Variants in FASTKD1 observed in about 807,000 individuals in gnomAD.
FASTKD1 encodes FAST kinase domains 1, also known as FAST kinase domain-containing protein 1, mitochondrial.
FASTKD1 carries 94 observed loss-of-function variants against 90.9 expected under a neutral mutation model. The ratio of observed to expected loss-of-function variants is 1.03; its 90% CI spans 0.88 to 1.23. FASTKD1 has a LOEUF of 1.23. Ranked by LOEUF, FASTKD1 falls within the 50% of genes most tolerant of loss-of-function variation. The pLI, the probability that FASTKD1 is intolerant of heterozygous loss-of-function variation, is 0.00. For missense variants in FASTKD1, 945 were observed against 993.5 expected (o/e 0.95, Z 0.66); for synonymous variants, 319 against 345.8 (o/e 0.92, Z 0.86).
At chr2:169,537,364 G>T in intron 11 of FASTKD1, 24 bp from the exon 12 acceptor site, 2 of 1,393,732 alleles carry the variant, frequency 1.4e-6, no homozygotes, top group Non-Finnish European at 2.0e-6. Flanking sequence ...TAAATAATTA[G>T]TCTACTTAAT....
intron 4 of FASTKD1, among the ~76,000 whole-genome samples, chr2:169,562,368 G>A (rs1402502035): frequency 6.6e-6 from 1 of 151,868 alleles, no homozygotes; most frequent in Non-Finnish European, 1.5e-5. Flanking sequence ...GAGTAGCTGG[G>A]ATTACAGGCG....
rs1175456306 is a variant in FASTKD1 at position 169,561,970 on chromosome 2, T to A, written c.573-1185A>T. Among the ~76,000 whole-genome samples the A allele has an allele frequency of 2.2e-3, 280 of 125,272 alleles. 11 individuals carry two copies. The highest frequency in any genetic ancestry group is 3.2e-3 in the Non-Finnish European group (192 of 60,724). The allele number at this position is 125,272 out of a possible 152,430, so 82.2% of individuals were successfully genotyped here. A position where few individuals can be genotyped will look rare whatever the true frequency, so the allele number is the denominator to read the frequency against. Reference sequence around the variant, plus strand: ...AATTAATTATTAATTTATTGTAAATTAATTATTCATTAATTTATTGTAAAT... The same window carrying A: ...AATTAATTATTAATTTATTGTAAATAAATTATTCATTAATTTATTGTAAAT... On this transcript the variant is annotated intron_variant, in intron 4 of 14. Transcript: ENST00000453153.
chr2:169,529,889 G>A lies in FASTKD1; in HGVS notation c.2480C>T (p.Thr827Ile). The A allele has an allele frequency of 6.2e-7, 1 of 1,613,582 alleles. No homozygotes were observed. The highest frequency in any genetic ancestry group is 8.5e-7 in the Non-Finnish European group (1 of 1,179,694). Residue 827 changes from threonine to isoleucine, a missense_variant, in exon 15 of 15, where the codon ACA (threonine) becomes ATA (isoleucine). Transcript: ENST00000453153. ...CAGGTAGTCCATCCGAGCATCCTTT[G>A]TTGACAGTGCCATAGAGTTCCATTC... ...QFEWNSMALS[T>I]KDARMDYLRE... is the part of the protein sequence containing the mutation.
chr2:169,536,321 T>C (rs1170104528), intron 12 of FASTKD1, among the ~76,000 whole-genome samples: 1 of 152,126 alleles, frequency 6.6e-6, no homozygotes, highest in Non-Finnish European at 1.5e-5. Flanking sequence ...GTCTACGACA[T>C]GATTAGACAA....
chr2:169,569,106 T>C lies in FASTKD1; in HGVS notation c.446+78A>G, dbSNP rs1444857057. Reference sequence around the variant, plus strand: ...AAGCTTGACAGGCATCAGTTCCCTGTTCTTTCCCTTCAAGATTTCACTCTG... The same window carrying C: ...AAGCTTGACAGGCATCAGTTCCCTGCTCTTTCCCTTCAAGATTTCACTCTG... On this transcript the variant is annotated intron_variant, in intron 3 of 14. Transcript: ENST00000453153. 2.5e-6 allele frequency: 3 copies of C among 1,206,422 alleles called. No homozygotes were observed. In the African/African-American group the frequency reaches 4.5e-5, roughly 18 times the overall value. The allele number at this position is 1,206,422 out of a possible 1,614,324, so 74.7% of individuals were successfully genotyped here. A position where few individuals can be genotyped will look rare whatever the true frequency, so the allele number is the denominator to read the frequency against.
At position 169,567,458 on chromosome 2, in the gene FASTKD1, T is replaced by C. The variant is rs368136416; in HGVS notation, c.446+1726A>G. Reference sequence around the variant, plus strand: ...TGCTTACCCTCAATATACTTATAGGTAGAGAGTATAAAAGAAGACAGATGG... The same window carrying C: ...TGCTTACCCTCAATATACTTATAGGCAGAGAGTATAAAAGAAGACAGATGG... On this transcript the variant is annotated intron_variant, in intron 3 of 14. Coordinates refer to ENST00000453153, the MANE Select transcript of FASTKD1 (RefSeq NM_024622.6). Among the ~76,000 whole-genome samples the C allele has an allele frequency of 1.3e-4, 20 of 152,180 alleles. No individual in the cohort carries two copies. The South Asian group carries it at 4.2e-3, about 32-fold the overall frequency.
intron 7 of FASTKD1, 86 bp from the exon 8 acceptor site, chr2:169,546,790 A>G: frequency 7.8e-7 from 1 of 1,289,858 alleles, no homozygotes. Flanking sequence ...GAGTACAATT[A>G]ATAGGTAAGA....
intron 3 of FASTKD1, among the ~76,000 whole-genome samples, chr2:169,565,134 A>T (rs1683901603): frequency 1.4e-5 from 2 of 144,580 alleles, no homozygotes; most frequent in South Asian, 4.7e-4. Flanking sequence ...TTGTATTTTT[A>T]GTAGAGACAG....
At position 169,537,336 on chromosome 2, in the gene FASTKD1, A is replaced by G. The variant is rs113570944; in HGVS notation, c.2079T>C (p.Ile693=). The change falls in exon 12 of 15, where the codon ATT becomes ATC. Residue 693 remains isoleucine (I), a synonymous_variant. Transcript: ENST00000453153. Reference sequence around the variant, plus strand: ...GCTGTTGTGTTCCATCCATGCCACCAATACCTTTATAAAAAAATAAATAAT... The same window carrying G: ...GCTGTTGTGTTCCATCCATGCCACCGATACCTTTATAAAAAAATAAATAAT... ...DRFCQQYNKG[I]GGMDGTQQQI... The G allele has an allele frequency of 5.1e-6, 8 of 1,571,146 alleles. No homozygotes were observed. The highest frequency in any genetic ancestry group is 2.7e-5 in the African/African-American group (2 of 73,648).
intron 3 of FASTKD1, among the ~76,000 whole-genome samples, chr2:169,568,410 A>C (rs1684082107): frequency 6.6e-6 from 1 of 152,122 alleles, no homozygotes; most frequent in South Asian, 2.1e-4. Flanking sequence ...ACTCTATCTT[A>C]TTTATATTTC....
rs763885772 is a variant in FASTKD1, at chr2:169,571,735, G to T, written c.295C>A (p.Leu99Ile). ...TTTGTAGCTAAATTATGAAGAGTAAGAAATTGAGGATGGTCTCTGACATAC... is the reference window on the plus strand; with the variant it reads ...TTTGTAGCTAAATTATGAAGAGTAATAAATTGAGGATGGTCTCTGACATAC... ...AEYVRDHPQF[L>I]TLHNLATNKF... The change falls in exon 2 of 15, where the codon CTT (leucine) becomes ATT (isoleucine). Residue 99 changes from leucine (L) to isoleucine (I), a missense_variant. By Grantham distance (5) the Leu-to-Ile change is conservative. Coordinates refer to ENST00000453153, the MANE Select transcript of FASTKD1 (RefSeq NM_024622.6). 2 of 1,613,574 alleles carry T rather than the reference G, an allele frequency of 1.2e-6. No individual in the cohort carries two copies. The highest frequency in any genetic ancestry group is 2.2e-5 in the South Asian group (2 of 91,046).
intron 7 of FASTKD1, among the ~76,000 whole-genome samples, chr2:169,553,446 G>A (rs1019633640): frequency 6.6e-6 from 1 of 151,934 alleles, no homozygotes; most frequent in East Asian, 1.9e-4. Context: ...ATCTTAAGAA[G>A]AAAATTATTT....
At chr2:169,542,927 G>A (rs1364608529) in intron 9 of FASTKD1, among the ~76,000 whole-genome samples, 2 of 152,030 alleles carry the variant, frequency 1.3e-5, no homozygotes, top group Non-Finnish European at 2.9e-5. Context: ...CTAAATATAA[G>A]GTATACAGCA....
At position 169,529,382 on chromosome 2, in the gene FASTKD1, T is replaced by A. The variant is rs1189151845; in HGVS notation, c.*443A>T. Among the ~76,000 whole-genome samples, 1 of 152,174 alleles carries A rather than the reference T, an allele frequency of 6.6e-6. No homozygotes were observed. The highest frequency in any genetic ancestry group is 1.9e-4 in the East Asian group (1 of 5,204). On this transcript the variant is annotated 3_prime_UTR_variant, in exon 15 of 15. Coordinates refer to ENST00000453153, the MANE Select transcript of FASTKD1 (RefSeq NM_024622.6). ...CATACATCCAAAAAATCTGACTACT[T>A]CTTATTACCTCCACTGCTACCACTC...
chr2:169,531,743 G>T, intron 12 of FASTKD1: 1 of 354,854 alleles, frequency 2.8e-6, no homozygotes. Context: ...TACATTTAGC[G>T]CTGGGCTAGG....
At chr2:169,534,616 C>T (rs1449989550) in intron 12 of FASTKD1, among the ~76,000 whole-genome samples, 3 of 151,910 alleles carry the variant, frequency 2.0e-5, no homozygotes, top group Non-Finnish European at 4.4e-5. Flanking sequence ...TGCGCCACCA[C>T]GCCCAGCTAA....
intron 7 of FASTKD1, among the ~76,000 whole-genome samples, chr2:169,552,016 C>A (rs1390743389): frequency 6.6e-6 from 1 of 152,128 alleles, no homozygotes; most frequent in East Asian, 1.9e-4. Context: ...TGTTTCAGGA[C>A]CTAGGACCTA....
Position 169,557,287 on chromosome 2 carries a change from T to C in FASTKD1, c.982A>G (p.Thr328Ala), listed in dbSNP as rs761717347. The change falls in exon 6 of 15, where the codon ACT becomes GCT. Residue 328 changes from threonine to alanine, a missense_variant. By Grantham distance (58) the Thr-to-Ala change is moderately conservative. Transcript: ENST00000453153. ...GPEEKKQLKS[T>A]MLLMSEDLTG... ...AGGTCCTCTGACATCAATAACATAG[T>C]TGATTTAAGTCTAGAAGCAAAAAAA... 6.9e-6 allele frequency: 11 copies of C among 1,587,398 alleles called. No individual in the cohort carries two copies. The highest frequency in any genetic ancestry group is 2.3e-5 in the East Asian group (1 of 44,376).
Position 169,531,426 on chromosome 2 carries a change from C to T in FASTKD1, c.2253G>A (p.Leu751=). The change falls in exon 13 of 15, where the codon TTG becomes TTA. Residue 751 remains leucine (L), a synonymous_variant. Coordinates refer to ENST00000453153, the MANE Select transcript of FASTKD1 (RefSeq NM_024622.6). ...PLPYGSHNIA[L]GQLPEMPWES... is the part of the protein sequence containing the mutation. ...CCCAGGGCATTTCTGGTAGTTGTCC[C>T]AATGCTATATTATGGCTTCCATACG... 1 of 1,612,530 alleles carries T rather than the reference C, an allele frequency of 6.2e-7. No individual in the cohort carries two copies. The highest frequency in any genetic ancestry group is 1.3e-5 in the African/African-American group (1 of 74,964).
Sources: allele counts gnomAD v4.1 joint callset (sites outside exome capture counted in the v4.1 genomes callset), GRCh38; gene constraint gnomAD v4.1.1; transcripts MANE v1.5; gene names NCBI Gene and HGNC (gene_info 2026-07-23, HGNC 2026-07-21).